The following SPG11 variants were observed in gnomAD, a reference collection of about 807,000 sequenced individuals.
The protein encoded by SPG11 is SPG11 vesicle trafficking associated, spatacsin, also known as spatacsin.
SPG11 carries 222 observed loss-of-function variants against 274.0 expected under a neutral mutation model. The observed-to-expected ratio is 0.81, with a 90% CI of 0.73 to 0.91. SPG11 has a LOEUF of 0.91. Ranked by LOEUF, SPG11 falls within the 40% of genes least tolerant of loss-of-function variation. The pLI, the probability that SPG11 is intolerant of heterozygous loss-of-function variation, is 0.00. For missense variants in SPG11, 3,114 were observed against 2,872.7 expected, an observed-to-expected ratio of 1.08 and a Z score of -1.92; for synonymous variants, 1,144 against 1,039.7, an observed-to-expected ratio of 1.10 and a Z score of -1.93.
At chr15:44,578,647 T>A (rs2082596010) in intron 30 of SPG11, among the ~76,000 whole-genome samples, 3 of 152,160 alleles carry the variant, frequency 2.0e-5, no homozygotes, top group Non-Finnish European at 4.4e-5. Flanking sequence ...GGTCACAGAT[T>A]GACCACTAGG....
At chr15:44,637,416 G>C (rs1394562134) in intron 7 of SPG11, among the ~76,000 whole-genome samples, 1 of 152,140 alleles carries the variant, frequency 6.6e-6, no homozygotes, top group Non-Finnish European at 1.5e-5. Context: ...GGGTTCAAAC[G>C]ATTCTCCTAC....
rs1307595709 is a variant in SPG11, at chr15:44,633,620, A to G, written c.1620T>C (p.Arg540=). Residue 540 remains arginine, a synonymous_variant, in exon 8 of 40, where the codon CGT becomes CGC. Coordinates refer to ENST00000261866, the MANE Select transcript of SPG11 (RefSeq NM_025137.4). ...IHALEAGIEN[R]QLDTVNFFLK... is the part of the protein sequence containing the mutation. ...AAAAGAAATTTACTGTGTCCAGCTG[A>G]CGATTTTCTATCCCGGCCTGAAATG... 1 of 1,613,644 alleles carries G rather than the reference A, an allele frequency of 6.2e-7. No homozygotes were observed. Among genetic ancestry groups the G allele is most frequent in the South Asian group, 1.1e-5 (1 of 90,984 alleles).
chr15:44,572,903 G>C, intron 32 of SPG11, 83 bp from the exon 33 acceptor site: 1 of 1,384,094 alleles, frequency 7.2e-7, no homozygotes, highest in Non-Finnish European at 1.0e-6. Context: ...AGGAGGTAAT[G>C]CTTATGGAGC....
chr15:44,605,750 A>G (rs1402366300), intron 20 of SPG11, among the ~76,000 whole-genome samples: 1 of 152,248 alleles, frequency 6.6e-6, no homozygotes, highest in African/African-American at 2.4e-5. Context: ...TTATGATACT[A>G]TACTGGAAAT....
At chr15:44,572,949 G>C (rs2082453501) in intron 32 of SPG11, 129 bp from the exon 33 acceptor site, 2 of 831,386 alleles carry the variant, frequency 2.4e-6, no homozygotes, top group African/African-American at 1.7e-5. Flanking sequence ...TGAAACCCTT[G>C]GCCTATTGGT....
chr15:44,566,301 G>C lies in SPG11; in HGVS notation c.6759C>G (p.Asp2253Glu), dbSNP rs141818132. The C allele has an allele frequency of 3.0e-4, 485 of 1,613,972 alleles. No homozygotes were observed. In the African/African-American group the frequency reaches 5.6e-3, roughly 19 times the overall value. ...LKLIESQPWE[D>E]SLKDGHQLKQ... Reference sequence around the variant, plus strand: ...TCAGCTGGTGCCCATCCTTGAGGCTGTCCTCTGTAGGGGAAATAAAGAAGA... The same window carrying C: ...TCAGCTGGTGCCCATCCTTGAGGCTCTCCTCTGTAGGGGAAATAAAGAAGA... The change falls in exon 37 of 40, where the codon GAC becomes GAG. Residue 2253 changes from aspartate (D) to glutamate (E), a missense_variant. Physicochemically the swap from Asp to Glu is conservative, Grantham distance 45. Transcript: ENST00000261866.
rs146937747 is a variant in SPG11, at chr15:44,567,460, G to A, written c.6718C>T (p.Arg2240Cys). 26 of 1,613,950 alleles carry A rather than the reference G, an allele frequency of 1.6e-5. No individual in the cohort carries two copies. Among genetic ancestry groups the A allele is most frequent in the Non-Finnish European group, 2.1e-5 (25 of 1,179,986 alleles). The change falls in exon 36 of 40, where the codon CGC becomes TGC. Residue 2240 changes from arginine to cysteine, a missense_variant. Transcript: ENST00000261866. ...EIGENHEAAA[R>C]IQLKLIESQP... ...GACTCAATCAATTTCAGTTGGATGC[G>A]GGCAGCTGCCTCGTGGTTCTCGCCA...
chr15:44,637,134 C>T (rs1771144486), intron 7 of SPG11, among the ~76,000 whole-genome samples: 1 of 151,666 alleles, frequency 6.6e-6, no homozygotes, highest in Admixed American at 6.6e-5. Flanking sequence ...AAATTAGAAA[C>T]AGATGTGTTT....
At chr15:44,613,385 A>T in intron 17 of SPG11, 45 bp downstream of exon 17, 1 of 1,255,262 alleles carries the variant, frequency 8.0e-7, no homozygotes. Context: ...CAGACCAGTG[A>T]CTGATCCAAA....
intron 33 of SPG11, 130 bp downstream of exon 33, chr15:44,572,553 T>C: frequency 1.1e-6 from 1 of 915,378 alleles, no homozygotes; most frequent in Admixed American, 2.0e-5. Flanking sequence ...TACCAAGAAC[T>C]TATAACTCCT....
At chr15:44,645,856 A>G (rs548011705) in intron 7 of SPG11, among the ~76,000 whole-genome samples, 1 of 152,342 alleles carries the variant, frequency 6.6e-6, no homozygotes, top group Admixed American at 6.5e-5. Context: ...AGACATACAC[A>G]TAACCAATAA....
chr15:44,564,629 GA>G lies in SPG11; in HGVS notation c.7068del (p.Gly2359GlufsTer15), dbSNP rs1567124825. 1 of 1,613,772 alleles carries G rather than the reference GA, an allele frequency of 6.2e-7. No homozygotes were observed. On this transcript the variant is annotated frameshift_variant, in exon 39 of 40. Transcript: ENST00000261866. LOFTEE classifies it high-confidence loss of function. The stretch of plus-strand genomic sequence containing the variant: ...TCCAAGTAATTAAAGTCTCCTTTAA[GA>G]ATCACTTGCTGGTATAAAATTTCAG... The part of the protein sequence containing the change: ...DWAEILYQQV[I>X]LKGDFNYLEE...
At chr15:44,608,814 G>C (rs558787256) in intron 18 of SPG11, among the ~76,000 whole-genome samples, 2 of 151,998 alleles carry the variant, frequency 1.3e-5, no homozygotes, top group African/African-American at 4.8e-5. Context: ...ATTTAATATC[G>C]GGTCTTTGTT....
rs780674799 is a variant in SPG11 at position 44,573,493 on chromosome 15, T to C, written c.6205+54A>G. ...AGCACAACATCCAAATCCTTAACAC[T>C]GGGAACTAGAGAATGCTGTCAGAGA... is the stretch of plus-strand genomic sequence containing the variant. On this transcript the variant is annotated intron_variant, in intron 32 of 39. Transcript: ENST00000261866. The C allele has an allele frequency of 2.5e-6, 4 of 1,589,666 alleles. No individual in the cohort carries two copies. The South Asian group carries it at 4.4e-5, about 18-fold the overall frequency.
chr15:44,595,982 C>T, intron 25 of SPG11, 101 bp downstream of exon 25: 2 of 1,481,796 alleles, frequency 1.3e-6, no homozygotes, highest in Admixed American at 1.8e-5. Context: ...TGGAACCTCA[C>T]TGTCATCATC....
chr15:44,573,230 C>CA, intron 32 of SPG11: 2 of 534,814 alleles, frequency 3.7e-6, no homozygotes, highest in Non-Finnish European at 6.7e-6. Context: ...CGTGATCTGC[C>CA]AGCCTTGGCC....
rs545261491 is a variant in SPG11 at position 44,636,506 on chromosome 15, C to G, written c.1603-2869G>C. Among the ~76,000 whole-genome samples, 25 of 151,326 alleles carry G rather than the reference C, an allele frequency of 1.7e-4. 1 individual carries two copies. Among genetic ancestry groups the G allele is most frequent in the South Asian group, 1.5e-3 (7 of 4,798 alleles). On this transcript the variant is annotated intron_variant, in intron 7 of 39. Transcript: ENST00000261866. ...GAAACCCCGTCTCTACTAAAAAATACAAAAAATTAGCCGGGCGTGGTGGCG... is the reference window on the plus strand; with the variant it reads ...GAAACCCCGTCTCTACTAAAAAATAGAAAAAATTAGCCGGGCGTGGTGGCG...
chr15:44,592,535 A>C, intron 26 of SPG11, 97 bp from the exon 27 acceptor site: 1 of 790,570 alleles, frequency 1.3e-6, no homozygotes, highest in South Asian at 1.4e-5. Flanking sequence ...TGCTATTAAT[A>C]AGGCAGGGCA....
At chr15:44,655,697 G>T (rs1200229958) in intron 4 of SPG11, among the ~76,000 whole-genome samples, 1 of 152,130 alleles carries the variant, frequency 6.6e-6, no homozygotes, top group Non-Finnish European at 1.5e-5. Context: ...TCAACTGTAG[G>T]CTATTAGTAG....
Sources: allele counts gnomAD v4.1 joint callset (sites outside exome capture counted in the v4.1 genomes callset), GRCh38; gene constraint gnomAD v4.1.1; transcripts MANE v1.5; gene names NCBI Gene and HGNC (gene_info 2026-07-23, HGNC 2026-07-21).